The following DLC1 variants were observed in gnomAD, a reference collection of about 807,000 sequenced individuals.
The protein encoded by DLC1 is rho GTPase-activating protein 7.
Under a neutral mutation model 140.3 loss-of-function variants are expected in DLC1, and 54 were observed. That is an observed-to-expected ratio of 0.38 (90% confidence interval 0.31 to 0.48). The LOEUF (loss-of-function observed/expected upper bound fraction) is 0.48, where lower values mean the gene tolerates loss of function less well. Ranked by LOEUF, DLC1 falls within the 20% of genes least tolerant of loss-of-function variation. The pLI is 0.96. For missense variants in DLC1, 2,536 were observed against 1,907.0 expected (o/e 1.33, Z -6.14); for synonymous variants, 986 against 728.1 (o/e 1.35, Z -5.70).
At chr8:13,123,507 AT>A (rs372704702) in intron 5 of DLC1, among the ~76,000 whole-genome samples, 5,431 of 139,914 alleles carry the variant, frequency 0.039, 133 homozygotes, top group African/African-American at 0.072. Context: ...CAATGAGCTA[AT>A]TTTTTTTTTT....
chr8:13,574,951 G>A (rs1332558557), intron 1 of DLC1, among the ~76,000 whole-genome samples: 3 of 152,150 alleles, frequency 2.0e-5, no homozygotes, highest in Non-Finnish European at 2.9e-5. Context: ...AAAGAAGTAG[G>A]GATTGGGAGT....
At chr8:13,509,679 A>G (rs1001848678) in intron 1 of DLC1, among the ~76,000 whole-genome samples, 1 of 151,542 alleles carries the variant, frequency 6.6e-6, no homozygotes, top group Admixed American at 6.6e-5. Context: ...TGAAACAAAT[A>G]CCATTATTGC....
At chr8:13,108,321 A>T (rs184228721) in intron 7 of DLC1, among the ~76,000 whole-genome samples, 123 of 152,316 alleles carry the variant, frequency 8.1e-4, no homozygotes, top group African/African-American at 2.8e-3. Context: ...TTTAATTTTT[A>T]AAGCGCTCTG....
intron 5 of DLC1, among the ~76,000 whole-genome samples, chr8:13,302,036 T>C (rs1196868547): frequency 6.6e-6 from 1 of 152,240 alleles, no homozygotes; most frequent in Non-Finnish European, 1.5e-5. Context: ...GATACAATTA[T>C]ACATATCGAT....
At chr8:13,314,224 A>G (rs1229664785) in intron 4 of DLC1, among the ~76,000 whole-genome samples, 3 of 123,836 alleles carry the variant, frequency 2.4e-5, no homozygotes, top group Admixed American at 8.6e-5. Context: ...ACATACATAT[A>G]TTACACATAT....
At chr8:13,277,217 G>C (rs1472425058) in intron 5 of DLC1, among the ~76,000 whole-genome samples, 2 of 152,236 alleles carry the variant, frequency 1.3e-5, no homozygotes, top group East Asian at 3.9e-4. Context: ...GAGGCTGAGA[G>C]GGAAAAATCG....
At chr8:13,107,393 C>A (rs1241535956) in intron 7 of DLC1, among the ~76,000 whole-genome samples, 1 of 152,092 alleles carries the variant, frequency 6.6e-6, no homozygotes, top group East Asian at 1.9e-4. Flanking sequence ...CTTATAAGAT[C>A]CCTGCATAAA....
intron 3 of DLC1, among the ~76,000 whole-genome samples, chr8:13,395,034 C>CTATCTATCTATCTATCT (rs1554511814): frequency 6.0e-5 from 7 of 117,400 alleles, no homozygotes; most frequent in Non-Finnish European, 1.4e-4. Flanking sequence ...ATCTATCTAT[C>CTATCTATCTATCTATCT]ATCTATCTAT....
At chr8:13,360,004 G>A (rs1297783976) in intron 4 of DLC1, among the ~76,000 whole-genome samples, 1 of 152,180 alleles carries the variant, frequency 6.6e-6, no homozygotes, top group Admixed American at 6.5e-5. Flanking sequence ...TTAAAAGTGA[G>A]TATGTTGGAT....
At chr8:13,155,711 G>A (rs1397239465) in intron 5 of DLC1, among the ~76,000 whole-genome samples, 2 of 152,026 alleles carry the variant, frequency 1.3e-5, no homozygotes, top group Non-Finnish European at 2.9e-5. Context: ...CCCCAAATCT[G>A]AGGTCTCCTG....
At chr8:13,435,335 C>CA (rs778913812) in intron 2 of DLC1, among the ~76,000 whole-genome samples, 1 of 151,938 alleles carries the variant, frequency 6.6e-6, no homozygotes, top group Non-Finnish European at 1.5e-5. Context: ...TTTTTTGAGA[C>CA]AGAGTTTCAC....
intron 1 of DLC1, chr8:13,557,580 TCTC>T (rs1804093111): frequency 6.6e-6 from 1 of 152,188 alleles, no homozygotes; most frequent in Non-Finnish European, 1.5e-5. Context: ...GATAGTGAGT[TCTC>T]AGGAGAGCTG....
rs1025778432 is a variant in DLC1 at position 13,396,818 on chromosome 8, T to G, written c.1174-3125A>C. On this transcript the variant is annotated intron_variant, in intron 3 of 17. Transcript: ENST00000276297. ...TCAATTTGAGAAATTACCCAAAAGC[T>G]CTCCCAAAATCTCTCACATCCGCTC... is the stretch of plus-strand genomic sequence containing the variant. Among the ~76,000 whole-genome samples the G allele has an allele frequency of 2.6e-5, 4 of 152,076 alleles. 1 individual carries two copies. Among genetic ancestry groups the G allele is most frequent in the African/African-American group, 9.7e-5 (4 of 41,412 alleles).
intron 1 of DLC1, among the ~76,000 whole-genome samples, chr8:13,539,486 C>A (rs898644447): frequency 6.6e-6 from 1 of 152,104 alleles, no homozygotes; most frequent in Non-Finnish European, 1.5e-5. Flanking sequence ...AGGCGTGAGC[C>A]ACTGCACCCG....
chr8:13,253,506 C>T (rs1038024063), intron 5 of DLC1, among the ~76,000 whole-genome samples: 1 of 151,960 alleles, frequency 6.6e-6, no homozygotes, highest in Non-Finnish European at 1.5e-5. Context: ...GGACATATGA[C>T]ACAAAATTCA....
At chr8:13,396,366 A>C (rs537662080) in intron 3 of DLC1, among the ~76,000 whole-genome samples, 25 of 152,170 alleles carry the variant, frequency 1.6e-4, no homozygotes, top group African/African-American at 5.5e-4. Flanking sequence ...GCCTTGCATT[A>C]ATTTCCTGTT....
rs151157230 is a variant in DLC1 at position 13,403,306 on chromosome 8, C to T, written c.1024-1687G>A. Among the ~76,000 whole-genome samples the T allele has an allele frequency of 2.4e-3, 365 of 152,228 alleles. 2 individuals carry two copies. Among genetic ancestry groups the T allele is most frequent in the African/African-American group, 8.1e-3 (338 of 41,534 alleles). On this transcript the variant is annotated intron_variant, in intron 2 of 17. Coordinates refer to ENST00000276297, the MANE Select transcript of DLC1 (RefSeq NM_182643.3). ...CCTGATCTTTTCCATGTATCTTATCCCTCACTGCTACAGAGCTTTGTTACA... is the reference window on the plus strand; with the variant it reads ...CCTGATCTTTTCCATGTATCTTATCTCTCACTGCTACAGAGCTTTGTTACA...
At chr8:13,436,737 A>C (rs941033540) in intron 2 of DLC1, among the ~76,000 whole-genome samples, 3 of 152,224 alleles carry the variant, frequency 2.0e-5, no homozygotes, top group Admixed American at 6.5e-5. Context: ...AAGATACTTG[A>C]TGCTGTAATG....
chr8:13,354,662 G>A lies in DLC1; in HGVS notation c.1314+38891C>T, dbSNP rs969110945. Among the ~76,000 whole-genome samples the A allele has an allele frequency of 3.6e-4, 55 of 151,962 alleles. 1 individual carries two copies. In the Middle Eastern group the frequency reaches 0.02, roughly 56 times the overall value. On this transcript the variant is annotated intron_variant, in intron 4 of 17. Coordinates refer to ENST00000276297, the MANE Select transcript of DLC1 (RefSeq NM_182643.3). ...TGTGCAAAAATGAAAATTTTAAATC[G>A]GGTCAGGTGTGGTGGCTCACATCTG...
Sources: gnomAD v4.1 joint callset for allele counts (sites outside exome capture counted in the v4.1 genomes callset) on GRCh38, gnomAD v4.1.1 for gene constraint, MANE v1.5 for transcripts, NCBI Gene and HGNC (gene_info 2026-07-23, HGNC 2026-07-21) for gene names.